The following BRPF3 variants were observed in gnomAD, a reference collection of about 807,000 sequenced individuals.
The protein encoded by BRPF3 is bromodomain and PHD finger containing 3, also known as bromodomain and PHD finger-containing protein 3.
A neutral mutation model predicts 102.0 loss-of-function variants in BRPF3; 18 were observed. That is an observed-to-expected ratio of 0.18 (90% CI 0.12 to 0.26). The LOEUF is 0.26. Among genes scored for constraint, BRPF3 ranks in the 10% least tolerant of loss-of-function variants. The probability of loss-of-function intolerance (pLI) is 1.00; values close to 1 mark genes in which losing one functional copy is unlikely to be tolerated. For missense variants in BRPF3, 1,147 were observed against 1,567.8 expected (o/e 0.73, Z 4.53); for synonymous variants, 570 against 614.2 (o/e 0.93, Z 1.06).
intron 3 of BRPF3, among the ~76,000 whole-genome samples, chr6:36,207,055 G>T (rs186404150): frequency 6.6e-6 from 1 of 152,260 alleles, no homozygotes; most frequent in Admixed American, 6.5e-5. Flanking sequence ...GCTGCTCTCT[G>T]GCATACCTGG....
At chr6:36,227,953 C>T (rs1398517314) in intron 11 of BRPF3, among the ~76,000 whole-genome samples, 3 of 152,188 alleles carry the variant, frequency 2.0e-5, no homozygotes, top group South Asian at 4.1e-4. Flanking sequence ...AGTAAGATTG[C>T]TCTGTCTCTG....
intron 8 of BRPF3, among the ~76,000 whole-genome samples, chr6:36,215,153 G>A (rs555763096): frequency 6.6e-6 from 1 of 152,042 alleles, no homozygotes; most frequent in East Asian, 1.9e-4. Flanking sequence ...GTCTTGCTCT[G>A]TCGCCCAGGC....
chr6:36,222,183 C>G lies in BRPF3; in HGVS notation c.3099C>G (p.Pro1033=). ...AFEACSGLTP[P]KRSRGKPALS... ...CTGTGTGCAGTGGTCTGACGCCCCC[C>G]AAACGCAGCCGTGGGAAGCCAGCCC... The change falls in exon 10 of 13, where the codon CCC becomes CCG. Residue 1033 remains proline, a synonymous_variant. Transcript: ENST00000357641. The G allele has an allele frequency of 3.9e-6, 6 of 1,550,338 alleles. No homozygotes were observed. The highest frequency in any genetic ancestry group is 4.4e-6 in the Non-Finnish European group (5 of 1,147,090).
intron 9 of BRPF3, among the ~76,000 whole-genome samples, chr6:36,219,063 AGG>A (rs972839356): frequency 2.0e-5 from 3 of 152,194 alleles, no homozygotes; most frequent in African/African-American, 7.2e-5. Context: ...GGTTCAGAGT[AGG>A]GGAGGAAAGG....
At chr6:36,223,801 C>T (rs1768636634) in intron 10 of BRPF3, among the ~76,000 whole-genome samples, 1 of 152,068 alleles carries the variant, frequency 6.6e-6, no homozygotes, top group African/African-American at 2.4e-5. Flanking sequence ...TTTTATTCAT[C>T]TTTAAAGTTA....
In BRPF3 at chr6:36,222,256, A is replaced by G. The variant is rs771306997; in HGVS notation, c.3172A>G (p.Asn1058Asp). ...AGGTGTGAACGGAGACTCTGACTAC[A>G]ATGGCTCAGGTGAGGAGCAGTGTTC... is the stretch of plus-strand genomic sequence containing the variant. ...LEGVNGDSDY[N>D]GSGRSLLLPF... The change falls in exon 10 of 13, where the codon AAT becomes GAT. Residue 1058 changes from asparagine (N) to aspartate (D), a missense_variant. Coordinates refer to ENST00000357641, the MANE Select transcript of BRPF3 (RefSeq NM_015695.3). 3 of 1,549,764 alleles carry G rather than the reference A, an allele frequency of 1.9e-6. No individual in the cohort carries two copies. The highest frequency in any genetic ancestry group is 2.4e-5 in the South Asian group (2 of 83,970).
At chr6:36,211,585 G>A in intron 7 of BRPF3, 25 bp downstream of exon 7, 1 of 1,545,542 alleles carries the variant, frequency 6.5e-7, no homozygotes, top group Non-Finnish European at 8.8e-7. Context: ...CAGGCAGGCA[G>A]GGGGTTGGAG....
intron 8 of BRPF3, among the ~76,000 whole-genome samples, chr6:36,217,262 A>G (rs777076934): frequency 6.6e-6 from 1 of 152,204 alleles, no homozygotes; most frequent in Non-Finnish European, 1.5e-5. Flanking sequence ...CCTGTGTTTC[A>G]GAGCCCAGCC....
Position 36,200,554 on chromosome 6 carries a change from A to G in BRPF3, c.232A>G (p.Lys78Glu), listed in dbSNP as rs1417692976. ...AQDITECNSN[K>E]ENSEQPQFPG... ...GGATATCACCGAATGCAATAGTAAC[A>G]AGGAAAACAGTGAACAGCCTCAGTT... Residue 78 changes from lysine to glutamate, a missense_variant, in exon 2 of 13, where the codon AAG (lysine) becomes GAG (glutamate). This residue lies in a region of BRPF3 where 221 missense variants were observed against 337.1 expected (regional missense o/e 0.66). Coordinates refer to ENST00000357641, the MANE Select transcript of BRPF3 (RefSeq NM_015695.3). The surrounding 1 kb of genome is among the most constrained non-coding windows in gnomAD (Gnocchi z 5.3). The G allele has an allele frequency of 6.2e-7, 1 of 1,614,100 alleles. No individual in the cohort carries two copies. The highest frequency in any genetic ancestry group is 8.5e-7 in the Non-Finnish European group (1 of 1,180,050).
At position 36,200,993 on chromosome 6, in the gene BRPF3, A is replaced by G; in HGVS notation, c.671A>G (p.His224Arg). 6.2e-7 allele frequency: 1 copy of G among 1,614,178 alleles called. No individual in the cohort carries two copies. Among genetic ancestry groups the G allele is most frequent in the African/African-American group, 1.3e-5 (1 of 75,046 alleles). Residue 224 changes from histidine (H) to arginine (R), a missense_variant, in exon 2 of 13, where the codon CAC becomes CGC. By Grantham distance (29) the His-to-Arg change is conservative. Coordinates refer to ENST00000357641, the MANE Select transcript of BRPF3 (RefSeq NM_015695.3). This position sits in a 1 kb window ranked among gnomAD's most constrained non-coding sequence, Gnocchi z 5.3. ...FCCVCLDDEC[H>R]NSNVILFCDI... ...TGTGTGTGCCTGGATGATGAATGTC[A>G]CAATAGCAATGTTATTCTCTTCTGT...
chr6:36,222,113 C>T (rs762715241), intron 9 of BRPF3, 55 bp from the exon 10 acceptor site: 750 of 1,507,286 alleles, frequency 5.0e-4, no homozygotes, highest in Non-Finnish European at 6.2e-4. Flanking sequence ...GGGGAGTCGG[C>T]GTTTTAGTCA....
At position 36,214,321 on chromosome 6, in the gene BRPF3, G is replaced by A. The variant is rs1260936065; in HGVS notation, c.2924G>A (p.Arg975Gln). 8 of 1,613,354 alleles carry A rather than the reference G, an allele frequency of 5.0e-6. No individual in the cohort carries two copies. The Admixed American group carries it at 5.0e-5, about 10-fold the overall frequency. The change falls in exon 8 of 13, where the codon CGG becomes CAG. Residue 975 changes from arginine (R) to glutamine (Q), a missense_variant. By Grantham distance (43) the Arg-to-Gln change is conservative. Transcript: ENST00000357641. Reference sequence around the variant, plus strand: ...GAGGAAGAGCGCCACTCCCGGAAGCGGCCAAGGAGCAGGAGCTGTAGTGAG... The same window carrying A: ...GAGGAAGAGCGCCACTCCCGGAAGCAGCCAAGGAGCAGGAGCTGTAGTGAG... The part of the protein sequence containing the change: ...SIEEERHSRK[R>Q]PRSRSCSESE...
Position 36,225,313 on chromosome 6 carries a change from C to G in BRPF3, c.3228C>G (p.Pro1076=), listed in dbSNP as rs1768697148. Residue 1076 remains proline (P), a synonymous_variant, in exon 11 of 13, where the codon CCC becomes CCG. Transcript: ENST00000357641. The part of the protein sequence containing the change: ...LPFEDRGDLE[P]LELVWAKCRG... Reference sequence around the variant, plus strand: ...TTGAAGACCGCGGAGACCTGGAGCCCTTGGAGCTGGTGTGGGCCAAGTGCC... The same window carrying G: ...TTGAAGACCGCGGAGACCTGGAGCCGTTGGAGCTGGTGTGGGCCAAGTGCC... 1 of 1,610,740 alleles carries G rather than the reference C, an allele frequency of 6.2e-7. No homozygotes were observed. Among genetic ancestry groups the G allele is most frequent in the African/African-American group, 1.3e-5 (1 of 74,944 alleles).
Position 36,223,954 on chromosome 6 carries a change from G to A in BRPF3, c.3182-1313G>A, listed in dbSNP as rs747297487. Among the ~76,000 whole-genome samples the A allele has an allele frequency of 9.2e-5, 14 of 152,146 alleles. 1 individual carries two copies. The highest frequency in any genetic ancestry group is 2.1e-4 in the Non-Finnish European group (14 of 68,032). ...GTAATTGCATCAGTAGTATGTGATT[G>A]CACCAGTTTCTACTCAGTCTACCTC... On this transcript the variant is annotated intron_variant, in intron 10 of 12. Transcript: ENST00000357641.
At chr6:36,211,909 C>G (rs1208920960) in intron 7 of BRPF3, among the ~76,000 whole-genome samples, 1 of 152,156 alleles carries the variant, frequency 6.6e-6, no homozygotes, top group South Asian at 2.1e-4. Flanking sequence ...TATTTTGCAC[C>G]TGATACAGCC....
intron 3 of BRPF3, 55 bp downstream of exon 3, chr6:36,204,869 G>A (rs1414970849): frequency 6.3e-7 from 1 of 1,590,054 alleles, no homozygotes; most frequent in Non-Finnish European, 8.6e-7. Flanking sequence ...TGAAGGAAAA[G>A]GAATGATGGT....
At chr6:36,206,451 G>A (rs1581953288) in intron 3 of BRPF3, among the ~76,000 whole-genome samples, 2 of 152,160 alleles carry the variant, frequency 1.3e-5, no homozygotes, top group East Asian at 1.9e-4. Context: ...CTCTTTCTAG[G>A]CAGGCGAAGT....
chr6:36,218,929 T>C (rs1007790275), intron 9 of BRPF3, among the ~76,000 whole-genome samples: 2 of 152,172 alleles, frequency 1.3e-5, no homozygotes, highest in African/African-American at 4.8e-5. Flanking sequence ...GTGTTCTGTG[T>C]TCTGCAAGAC....
intron 10 of BRPF3, among the ~76,000 whole-genome samples, chr6:36,224,224 TA>T (rs1258734726): frequency 1.3e-5 from 2 of 152,210 alleles, no homozygotes; most frequent in Non-Finnish European, 2.9e-5. Flanking sequence ...TAAAATTTTT[TA>T]AAAAGTGAGG....
Sources: gnomAD v4.1 joint callset for allele counts (sites outside exome capture counted in the v4.1 genomes callset) on GRCh38, gnomAD v4.1.1 for gene constraint, gnomAD v4.1.1 regional missense constraint, Gnocchi (gnomAD v3.1) non-coding constraint, MANE v1.5 for transcripts, NCBI Gene and HGNC (gene_info 2026-07-23, HGNC 2026-07-21) for gene names.